LMNB1: variants seen among roughly 807,000 people sequenced by gnomAD.
LMNB1 encodes the protein lamin B1, also known as lamin-B1.
Under a neutral mutation model 67.1 loss-of-function variants are expected in LMNB1, and 23 were observed. The ratio of observed to expected loss-of-function variants is 0.34; its 90% CI spans 0.25 to 0.49. The LOEUF (loss-of-function observed/expected upper bound fraction) is 0.49, where lower values mean the gene tolerates loss of function less well. Among genes scored for constraint, LMNB1 ranks in the 20% least tolerant of loss-of-function variants. The probability of loss-of-function intolerance (pLI) is 0.99; values close to 1 mark genes in which losing one functional copy is unlikely to be tolerated. For missense variants in LMNB1, 634 were observed against 746.5 expected (o/e 0.85, Z 1.76); for synonymous variants, 281 against 282.9 (o/e 0.99, Z 0.07).
chr5:126,814,477 A>G (rs563683893), intron 5 of LMNB1, among the ~76,000 whole-genome samples: 5 of 150,888 alleles, frequency 3.3e-5, no homozygotes, highest in African/African-American at 1.2e-4. Flanking sequence ...CTTAGTAGCT[A>G]TGTGTTCTAA....
chr5:126,807,565 A>G (rs1751475451), intron 3 of LMNB1, among the ~76,000 whole-genome samples: 1 of 152,244 alleles, frequency 6.6e-6, no homozygotes, highest in Non-Finnish European at 1.5e-5. Flanking sequence ...TACTGTAGCA[A>G]GTGCTGTCAT....
At chr5:126,794,092 G>A (rs1465614640) in intron 1 of LMNB1, among the ~76,000 whole-genome samples, 2 of 152,032 alleles carry the variant, frequency 1.3e-5, no homozygotes, top group East Asian at 3.9e-4. Flanking sequence ...GAGCCACCAC[G>A]CCCAGCCAAC....
chr5:126,799,482 A>G (rs1751209345), intron 1 of LMNB1, among the ~76,000 whole-genome samples: 1 of 152,218 alleles, frequency 6.6e-6, no homozygotes, highest in South Asian at 2.1e-4. Flanking sequence ...GTCCCTTTTC[A>G]TCATTTTACT....
intron 5 of LMNB1, 91 bp downstream of exon 5, chr5:126,811,989 C>T: frequency 7.8e-7 from 1 of 1,285,328 alleles, no homozygotes; most frequent in Middle Eastern, 1.9e-4. Context: ...TGTCACTCCT[C>T]CCTCTGTTTG....
intron 9 of LMNB1, among the ~76,000 whole-genome samples, chr5:126,831,182 C>T (rs1369862416): frequency 3.9e-5 from 6 of 152,214 alleles, no homozygotes; most frequent in Non-Finnish European, 7.3e-5. Flanking sequence ...TGTAAACTAG[C>T]TGGTCTGTGT....
intron 10 of LMNB1, among the ~76,000 whole-genome samples, chr5:126,834,825 G>A (rs1752214384): frequency 6.6e-6 from 1 of 152,216 alleles, no homozygotes. Context: ...GCAGTGAGCT[G>A]AGATGGCGCC....
chr5:126,798,116 A>G (rs902578203), intron 1 of LMNB1, among the ~76,000 whole-genome samples: 1 of 150,974 alleles, frequency 6.6e-6, no homozygotes. Context: ...AGTCTGGGCA[A>G]CAGAGCGAGA....
chr5:126,807,169 T>C (rs868351934), intron 3 of LMNB1, among the ~76,000 whole-genome samples: 9 of 152,094 alleles, frequency 5.9e-5, no homozygotes, highest in Non-Finnish European at 1.0e-4. Context: ...AAGGAAGTAA[T>C]AAAATTGAGG....
chr5:126,829,523 G>C (rs186345438), intron 9 of LMNB1, among the ~76,000 whole-genome samples: 2 of 151,854 alleles, frequency 1.3e-5, no homozygotes, highest in East Asian at 3.9e-4. Flanking sequence ...AATAAGACCT[G>C]TATTCATACC....
chr5:126,835,237 T>C (rs752822186), intron 10 of LMNB1, among the ~76,000 whole-genome samples: 9 of 152,170 alleles, frequency 5.9e-5, no homozygotes, highest in Non-Finnish European at 1.3e-4. Context: ...CCAAGGTTCA[T>C]AAGAGGGAAG....
chr5:126,828,350 A>G (rs1752047302), intron 9 of LMNB1, among the ~76,000 whole-genome samples: 1 of 152,152 alleles, frequency 6.6e-6, no homozygotes, highest in African/African-American at 2.4e-5. Flanking sequence ...GTTAGAAACA[A>G]TGTTATAGGA....
At chr5:126,793,330 T>G (rs1580531136) in intron 1 of LMNB1, among the ~76,000 whole-genome samples, 1 of 152,114 alleles carries the variant, frequency 6.6e-6, no homozygotes, top group Non-Finnish European at 1.5e-5. Context: ...TGATTTTTTT[T>G]TTTGTTTCAA....
chr5:126,820,622 T>C (rs1751841823), intron 6 of LMNB1, among the ~76,000 whole-genome samples: 1 of 152,004 alleles, frequency 6.6e-6, no homozygotes, highest in African/African-American at 2.4e-5. Context: ...GCCTCCCGGG[T>C]TCAAGCCATT....
intron 10 of LMNB1, among the ~76,000 whole-genome samples, chr5:126,834,418 ACAATCT>A (rs941328207): frequency 6.6e-6 from 1 of 152,166 alleles, no homozygotes; most frequent in African/African-American, 2.4e-5. Context: ...GTTGGCCACG[ACAATCT>A]CAATCTCAAG....
chr5:126,784,014 A>ATTTTTTTT (rs61578729), intron 1 of LMNB1, among the ~76,000 whole-genome samples: 2 of 59,436 alleles, frequency 3.4e-5, no homozygotes, highest in Admixed American at 2.5e-4. Flanking sequence ...CTGTCATTTG[A>ATTTTTTTT]TTTTTTTTTT....
At position 126,800,982 on chromosome 5, in the gene LMNB1, A is replaced by ATATATATAATTTTTTTTT; in HGVS notation, c.360-3793_360-3792insATATATAATTTTTTTTTT. 6.8e-3 allele frequency among the ~76,000 whole-genome samples: 127 copies of ATATATATAATTTTTTTTT among 18,588 alleles called. 3 individuals are homozygous for ATATATATAATTTTTTTTT. Among genetic ancestry groups the ATATATATAATTTTTTTTT allele is most frequent in the Non-Finnish European group, 0.01 (99 of 9,510 alleles). 12.2% of individuals were successfully genotyped at this position (18,588 alleles called of 152,430 possible). On this transcript the variant is annotated intron_variant, in intron 1 of 10. Transcript: ENST00000261366. ...ATATATATATATATATATATATATA[A>ATATATATAATTTTTTTTT]TTTTTTTTTTTTTTTTTTGGTGGTA...
intron 1 of LMNB1, among the ~76,000 whole-genome samples, chr5:126,800,859 T>G (rs1751255629): frequency 7.3e-6 from 1 of 136,378 alleles, no homozygotes; most frequent in African/African-American, 2.7e-5. Context: ...TCCATGTTGG[T>G]CAGGCTGGTC....
At chr5:126,822,153 G>A (rs1406918801) in intron 7 of LMNB1, among the ~76,000 whole-genome samples, 9 of 151,968 alleles carry the variant, frequency 5.9e-5, no homozygotes, top group Non-Finnish European at 8.8e-5. Context: ...ACGCAAGCAC[G>A]CCTGCTGATT....
intron 1 of LMNB1, among the ~76,000 whole-genome samples, chr5:126,791,987 T>C (rs1191476148): frequency 6.6e-6 from 1 of 151,956 alleles, no homozygotes; most frequent in Non-Finnish European, 1.5e-5. Context: ...TTCACCATGT[T>C]GGTCAGGCTG....
Sources: allele counts gnomAD v4.1 joint callset (sites outside exome capture counted in the v4.1 genomes callset), GRCh38; gene constraint gnomAD v4.1.1; transcripts MANE v1.5; gene names NCBI Gene and HGNC (gene_info 2026-07-23, HGNC 2026-07-21).